CCDC30: variants seen among roughly 807,000 people sequenced by gnomAD.
CCDC30 encodes coiled-coil domain-containing protein 30.
A neutral mutation model predicts 100.2 loss-of-function variants in CCDC30; 70 were observed. That is an observed-to-expected ratio of 0.70 (90% CI 0.58 to 0.85). The LOEUF is 0.85. CCDC30 is among the 40% of genes least tolerant of loss of function. CCDC30 has a pLI of 0.00. For synonymous variants in CCDC30, 233 were observed against 269.5 expected (o/e 0.86, Z 1.33); for missense variants, 652 against 771.2 (o/e 0.85, Z 1.83).
intron 6 of CCDC30, among the ~76,000 whole-genome samples, chr1:42,508,580 G>A (rs76709700): frequency 0.038 from 5,739 of 152,222 alleles, 360 homozygotes; most frequent in African/African-American, 0.13. Context: ...AACACAATGC[G>A]AAACAGAACA....
chr1:42,610,165 CAT>C (rs1484397369), intron 10 of CCDC30, among the ~76,000 whole-genome samples: 1 of 152,218 alleles, frequency 6.6e-6, no homozygotes. Flanking sequence ...TTATACCACT[CAT>C]GTGGTCTTCC....
intron 11 of CCDC30, among the ~76,000 whole-genome samples, chr1:42,625,004 T>C (rs560226813): frequency 1.3e-5 from 2 of 152,288 alleles, no homozygotes; most frequent in South Asian, 4.1e-4. Context: ...AGTGAAGCCA[T>C]TGGGTTCTGG....
At chr1:42,536,839 C>T in intron 6 of CCDC30, 1 of 456,390 alleles carries the variant, frequency 2.2e-6, no homozygotes, top group Non-Finnish European at 3.9e-6. Flanking sequence ...TCCTGGCTTG[C>T]AGATGGCCAC....
intron 1 of CCDC30, among the ~76,000 whole-genome samples, chr1:42,472,083 G>A (rs1381795004): frequency 3.3e-5 from 5 of 151,892 alleles, no homozygotes; most frequent in African/African-American, 7.3e-5. Flanking sequence ...GTGAAACCTC[G>A]TCTCTACTAA....
At chr1:42,642,027 C>A (rs561241774) in intron 12 of CCDC30, among the ~76,000 whole-genome samples, 14 of 152,080 alleles carry the variant, frequency 9.2e-5, no homozygotes, top group South Asian at 6.2e-4. Context: ...AGATCGAGAC[C>A]ATCCTGGCTA....
chr1:42,637,293 G>T, exon 12 of CCDC30: 1 of 1,582,388 alleles, frequency 6.3e-7, no homozygotes, highest in Non-Finnish European at 8.5e-7. Flanking sequence ...GTCAAGTATC[G>T]TTTAACTAAT....
chr1:42,527,866 T>C (rs1048959400), intron 6 of CCDC30, among the ~76,000 whole-genome samples: 1 of 152,078 alleles, frequency 6.6e-6, no homozygotes, highest in Admixed American at 6.6e-5. Flanking sequence ...TTTCTTTCTT[T>C]CTTTTTTTAT....
intron 8 of CCDC30, 76 bp downstream of exon 12, chr1:42,577,305 G>T (rs2148584905): frequency 1.0e-6 from 1 of 967,524 alleles, no homozygotes; most frequent in South Asian, 1.6e-5. Context: ...AGGATTTTAA[G>T]AAATAAATAT....
Position 42,637,673 on chromosome 1 carries a change from C to T in CCDC30, c.1419+295C>T, listed in dbSNP as rs115043187. ...CTTGAACACTCCTGAGCACAGACTT[C>T]CAAACCACTCTCAGTAACTCATTTC... On this transcript the variant is annotated intron_variant, in intron 12 of 16. Coordinates refer to ENST00000668663, the Ensembl canonical transcript of CCDC30. Among the ~76,000 whole-genome samples, 85 of 152,326 alleles carry T rather than the reference C, an allele frequency of 5.6e-4. 1 individual carries two copies. Among genetic ancestry groups the T allele is most frequent in the African/African-American group, 1.9e-3 (77 of 41,568 alleles).
intron 11 of CCDC30, among the ~76,000 whole-genome samples, chr1:42,633,629 G>C (rs1314430450): frequency 2.0e-5 from 3 of 152,110 alleles, no homozygotes; most frequent in Admixed American, 2.0e-4. Flanking sequence ...AGCCTCCCAG[G>C]CCAGTCTCCG....
intron 11 of CCDC30, among the ~76,000 whole-genome samples, chr1:42,623,365 G>C (rs533029664): frequency 6.6e-6 from 1 of 152,128 alleles, no homozygotes; most frequent in South Asian, 2.1e-4. Context: ...CTTACACTTT[G>C]AGGTCTTAGA....
chr1:42,497,212 T>G, exon 5 of CCDC30: 2 of 1,229,184 alleles, frequency 1.6e-6, no homozygotes. Context: ...CTTGGTGAAA[T>G]GGTAAGTTTA....
intron 6 of CCDC30, among the ~76,000 whole-genome samples, chr1:42,564,347 C>T (rs1049885256): frequency 8.5e-5 from 13 of 152,198 alleles, no homozygotes; most frequent in African/African-American, 3.1e-4. Flanking sequence ...GACAGAGTCT[C>T]TGTCACTCAG....
chr1:42,507,995 A>C (rs72659936), intron 6 of CCDC30, among the ~76,000 whole-genome samples: 20,702 of 152,206 alleles, frequency 0.14, 1,549 homozygotes, highest in East Asian at 0.18. Context: ...TTTCTCTAAG[A>C]CAATTAATTA....
intron 4 of CCDC30, among the ~76,000 whole-genome samples, chr1:42,494,196 C>A (rs975928235): frequency 6.6e-6 from 1 of 152,172 alleles, no homozygotes; most frequent in African/African-American, 2.4e-5. Context: ...TCAGAAATAA[C>A]ACCGCATATC....
At chr1:42,523,225 C>T (rs1446350318) in intron 6 of CCDC30, among the ~76,000 whole-genome samples, 1 of 152,108 alleles carries the variant, frequency 6.6e-6, no homozygotes, top group Non-Finnish European at 1.5e-5. Context: ...CCTTTCATTT[C>T]AACCTGTAGG....
intron 6 of CCDC30, among the ~76,000 whole-genome samples, chr1:42,535,625 C>G (rs1439156715): frequency 9.7e-6 from 1 of 103,226 alleles, no homozygotes; most frequent in Non-Finnish European, 1.9e-5. Flanking sequence ...TTTGGGAGGC[C>G]GAGGTGAGTG....
At chr1:42,505,538 TGTTTGTAGAATAAA>T (rs1407781658) in intron 6 of CCDC30, among the ~76,000 whole-genome samples, 4 of 152,248 alleles carry the variant, frequency 2.6e-5, no homozygotes, top group African/African-American at 9.6e-5. Flanking sequence ...AGGACCATGT[TGTTTGTAGAATAAA>T]GTTTAGTCAT....
At position 42,589,425 on chromosome 1, in the gene CCDC30, T is replaced by C. The variant is rs776848615; in HGVS notation, c.1106T>C (p.Ile369Thr). Residue 369 changes from isoleucine to threonine, a missense_variant, in exon 10 of 17, where the codon ATT (isoleucine) becomes ACT (threonine). Ile to Thr is a moderately conservative substitution (Grantham distance 89). Transcript: ENST00000668663. ...ACCTGTTCTCAGCAACAATCCAGAA[T>C]TCAGCAACAAGAGGCCCTACTTAAA... 1.1e-5 allele frequency: 18 copies of C among 1,613,866 alleles called. No individual in the cohort carries two copies. The South Asian group carries it at 1.5e-4, about 14-fold the overall frequency.
Sources: gnomAD v4.1 joint callset for allele counts (sites outside exome capture counted in the v4.1 genomes callset) on GRCh38, gnomAD v4.1.1 for gene constraint, MANE v1.5 for transcripts, NCBI Gene and HGNC (gene_info 2026-07-23, HGNC 2026-07-21) for gene names.